Variants in VPS28 observed in about 807,000 individuals in gnomAD.
VPS28 encodes the protein vacuolar protein sorting-associated protein 28 homolog.
Under a neutral mutation model 33.7 loss-of-function variants are expected in VPS28, and 29 were observed. The ratio of observed to expected loss-of-function variants is 0.86; its 90% CI spans 0.64 to 1.17. The LOEUF (loss-of-function observed/expected upper bound fraction) is 1.17. Among genes scored for constraint, VPS28 ranks in the 50% most tolerant of loss-of-function variants. The pLI is 0.00. For synonymous variants in VPS28, 164 were observed against 116.7 expected, an observed-to-expected ratio of 1.40 and a Z score of -2.61; for missense variants, 247 against 312.2, an observed-to-expected ratio of 0.79 and a Z score of 1.57.
In VPS28 at chr8:144,426,852, T is replaced by G. The variant is rs1349985508; in HGVS notation, c.37+57A>C. 2.5e-6 allele frequency: 4 copies of G among 1,599,022 alleles called. No individual in the cohort carries two copies. In the African/African-American group the frequency reaches 5.4e-5, roughly 21 times the overall value. On this transcript the variant is annotated intron_variant, in intron 2 of 9. Coordinates refer to ENST00000292510, the MANE Select transcript of VPS28 (RefSeq NM_016208.4). Reference sequence around the variant, plus strand: ...ACCCCCGATCCCCAATACCCAATACTGCCCGTCAGCCCCTGCAGAAGCGGC... The same window carrying G: ...ACCCCCGATCCCCAATACCCAATACGGCCCGTCAGCCCCTGCAGAAGCGGC...
At position 144,423,769 on chromosome 8, in the gene VPS28, A is replaced by C; in HGVS notation, c.*36T>G. 3 of 1,612,452 alleles carry C rather than the reference A, an allele frequency of 1.9e-6. No homozygotes were observed. The highest frequency in any genetic ancestry group is 2.5e-6 in the Non-Finnish European group (3 of 1,179,602). On this transcript the variant is annotated 3_prime_UTR_variant, in exon 10 of 10. Coordinates refer to ENST00000292510, the MANE Select transcript of VPS28 (RefSeq NM_016208.4). ...AGGGGACCAGGAGCCATCGCCTCAG[A>C]CTCTGCCCTTCTGTGCAAGGGCTAG...
At position 144,425,051 on chromosome 8, in the gene VPS28, C is replaced by T. The variant is rs1554876374; in HGVS notation, c.195G>A (p.Glu65=). Residue 65 remains glutamate (E), a splice_region_variant and synonymous_variant, in exon 6 of 10, where the codon GAG becomes GAA. Coordinates refer to ENST00000292510, the MANE Select transcript of VPS28 (RefSeq NM_016208.4). The stretch of plus-strand genomic sequence containing the variant: ...GGAGCCGGGAGCAGGCTGCAGTGTA[C>T]CTAGGGAGAGGTCAGCTGCTGCCCA... ...AYIKDCVSPS[E]YTAACSRLLV... is the part of the protein sequence containing the mutation. The T allele has an allele frequency of 1.3e-6, 2 of 1,551,464 alleles. No homozygotes were observed. Among genetic ancestry groups the T allele is most frequent in the Non-Finnish European group, 8.7e-7 (1 of 1,146,930 alleles).
intron 1 of VPS28, among the ~76,000 whole-genome samples, chr8:144,428,047 G>A (rs958922447): frequency 3.3e-5 from 5 of 152,140 alleles, no homozygotes; most frequent in Non-Finnish European, 5.9e-5. Context: ...AGGGAAGGCC[G>A]CCCGCGCCGA....
rs148597995 is a variant in VPS28, at chr8:144,425,769, G to A, written c.108C>T (p.Tyr36=). 7.2e-5 allele frequency: 116 copies of A among 1,613,734 alleles called. No homozygotes were observed. The highest frequency in any genetic ancestry group is 1.3e-4 in the African/African-American group (10 of 74,918). ...CCGCAAACAGCTCTGCCATGTTGTC[G>A]TACCTGAGGACACACCTGTCTATCG... is the stretch of plus-strand genomic sequence containing the variant. The part of the protein sequence containing the change: ...LYKNAREREK[Y]DNMAELFAVV... The change falls in exon 5 of 10, where the codon TAC becomes TAT. Residue 36 remains tyrosine, a synonymous_variant. Transcript: ENST00000292510.
intron 5 of VPS28, 59 bp downstream of exon 5, chr8:144,425,624 C>T (rs1025537583): frequency 8.8e-5 from 139 of 1,581,632 alleles, no homozygotes; most frequent in South Asian, 6.7e-5. Flanking sequence ...CTCTTGCTGC[C>T]TATGGAGCAC....
In VPS28 at chr8:144,423,790, GC is replaced by G. The variant is rs782012319; in HGVS notation, c.*14del. 2 of 1,613,104 alleles carry G rather than the reference GC, an allele frequency of 1.2e-6. No homozygotes were observed. The highest frequency in any genetic ancestry group is 3.3e-5 in the Admixed American group (2 of 60,018). On this transcript the variant is annotated 3_prime_UTR_variant, in exon 10 of 10. Coordinates refer to ENST00000292510, the MANE Select transcript of VPS28 (RefSeq NM_016208.4). ...TCAGACTCTGCCCTTCTGTGCAAGG[GC>G]TAGTGCCCCGGGCTCAGGCATGCAG...
Position 144,424,278 on chromosome 8 carries a change from G to A in VPS28, c.403-10C>T, listed in dbSNP as rs960514196. 2.5e-6 allele frequency: 4 copies of A among 1,595,934 alleles called. No homozygotes were observed. The highest frequency in any genetic ancestry group is 2.7e-5 in the African/African-American group (2 of 74,292). On this transcript the variant is annotated splice_polypyrimidine_tract_variant and intron_variant, in intron 7 of 9. Coordinates refer to ENST00000292510, the MANE Select transcript of VPS28 (RefSeq NM_016208.4). ...TGACCGTGATGAAGAGCTGGGGGCA[G>A]GTGTGCACATGAGGCTCGCGTGTCC...
intron 1 of VPS28, chr8:144,427,428 G>A (rs1309012115): frequency 1.3e-5 from 2 of 153,920 alleles, no homozygotes; most frequent in African/African-American, 4.8e-5. Flanking sequence ...GGGTGCTATA[G>A]GGGCTACCAG....
In VPS28 at chr8:144,424,817, C is replaced by T. The variant is rs782798420; in HGVS notation, c.303G>A (p.Leu101=). ...SIDEFCRKFR[L]DCPLAMERIK... ...TCCGCTCCATGGCCAGCGGGCAGTC[C>T]AGCTGTTGGGGGTGACATGGGTGCT... Residue 101 remains leucine, a splice_region_variant and synonymous_variant, in exon 7 of 10, where the codon CTG becomes CTA. Transcript: ENST00000292510. 2 of 1,613,954 alleles carry T rather than the reference C, an allele frequency of 1.2e-6. No individual in the cohort carries two copies. Among genetic ancestry groups the T allele is most frequent in the Non-Finnish European group, 8.5e-7 (1 of 1,180,008 alleles).
Position 144,425,021 on chromosome 8 carries a change from G to A in VPS28, c.225C>T (p.Val75=), listed in dbSNP as rs1374341409. 6 of 1,553,242 alleles carry A rather than the reference G, an allele frequency of 3.9e-6. No homozygotes were observed. The highest frequency in any genetic ancestry group is 1.4e-5 in the African/African-American group (1 of 73,220). Reference sequence around the variant, plus strand: ...CCTGCCTGAAGGCAGCTTTGTATTGGACCAGGAGCCGGGAGCAGGCTGCAG... The same window carrying A: ...CCTGCCTGAAGGCAGCTTTGTATTGAACCAGGAGCCGGGAGCAGGCTGCAG... ...EYTAACSRLL[V]QYKAAFRQVQ... is the part of the protein sequence containing the mutation. The change falls in exon 6 of 10, where the codon GTC becomes GTT. Residue 75 remains valine (V), a synonymous_variant. Coordinates refer to ENST00000292510, the MANE Select transcript of VPS28 (RefSeq NM_016208.4).
chr8:144,426,090 C>G lies in VPS28; in HGVS notation c.67-27G>C, dbSNP rs552002458. 1.7e-5 allele frequency: 26 copies of G among 1,556,588 alleles called. No individual in the cohort carries two copies. The African/African-American group carries it at 3.3e-4, about 20-fold the overall frequency. ...TGCCGGAGAGAGCGGGCTCTGTGGG[C>G]CAGTGCCAACAGGGGCTGCAGGACC... On this transcript the variant is annotated intron_variant, in intron 3 of 9. Transcript: ENST00000292510.
At chr8:144,427,678 G>A (rs993258981) in intron 1 of VPS28, among the ~76,000 whole-genome samples, 10 of 152,234 alleles carry the variant, frequency 6.6e-5, no homozygotes, top group South Asian at 2.1e-4. Context: ...AGGGAATGAA[G>A]ATGGAGAGGT....
At chr8:144,426,863 C>T in intron 2 of VPS28, 46 bp downstream of exon 2, 2 of 1,609,324 alleles carry the variant, frequency 1.2e-6, no homozygotes, top group Non-Finnish European at 1.7e-6. Flanking sequence ...GCCCGTCAGC[C>T]CCTGCAGAAG....
At chr8:144,426,336 G>T in intron 2 of VPS28, 128 bp from the exon 3 acceptor site, 1 of 1,293,716 alleles carries the variant, frequency 7.7e-7, no homozygotes, top group Non-Finnish European at 1.0e-6. Flanking sequence ...CCCAGAGGGA[G>T]CTGGAGCACA....
intron 2 of VPS28, 21 bp from the exon 3 acceptor site, chr8:144,426,229 C>A (rs200079580): frequency 1.3e-6 from 2 of 1,587,580 alleles, no homozygotes; most frequent in Non-Finnish European, 1.7e-6. Context: ...AGGCAGAGAG[C>A]TGGCAGGCTG....
rs1027504751 is a variant in VPS28, at chr8:144,428,480, C to T, written c.-35+9G>A. The T allele has an allele frequency of 6.6e-6, 1 of 152,192 alleles. No individual in the cohort carries two copies. Among genetic ancestry groups the T allele is most frequent in the African/African-American group, 2.4e-5 (1 of 41,434 alleles). 9.4% of individuals were successfully genotyped at this position (152,192 alleles called of 1,614,324 possible). A position where few individuals can be genotyped will look rare whatever the true frequency, so the allele number is the denominator to read the frequency against. On this transcript the variant is annotated intron_variant, in intron 1 of 9. Transcript: ENST00000292510. The stretch of plus-strand genomic sequence containing the variant: ...CCCCTTCCCCGCCCACCGGCCGGGC[C>T]CCGGGTACCTGGACGGCTCGCGGTC...
Position 144,426,910 on chromosome 8 carries a change from T to A in VPS28, c.36A>T (p.Gly12=), listed in dbSNP as rs1554876945. 1.2e-6 allele frequency: 2 copies of A among 1,612,054 alleles called. No individual in the cohort carries two copies. Among genetic ancestry groups the A allele is most frequent in the Admixed American group, 3.3e-5 (2 of 59,916 alleles). Residue 12 remains glycine, a splice_region_variant and synonymous_variant, in exon 2 of 10, where the codon GGA becomes GGT. Transcript: ENST00000292510. The stretch of plus-strand genomic sequence containing the variant: ...CTGCGCCCTTCCAGCCACACTCACC[T>A]CCTATGCCCGGCGTGGCTGGGATCC... ...FHGIPATPGI[G]APGNKPELYE...
In VPS28 at chr8:144,424,026, GGGA is replaced by G. The variant is rs782134512; in HGVS notation, c.548+12_548+14del. The stretch of plus-strand genomic sequence containing the variant: ...GGGCACTGCGGGGCTCTGCCTGGCT[GGGA>G]GGGACACCCACCACTGGCTGACCGT... On this transcript the variant is annotated intron_variant, in intron 9 of 9. Coordinates refer to ENST00000292510, the MANE Select transcript of VPS28 (RefSeq NM_016208.4). 622 of 1,593,726 alleles carry G rather than the reference GGGA, an allele frequency of 3.9e-4. 1 individual carries two copies. The highest frequency in any genetic ancestry group is 4.8e-4 in the Non-Finnish European group (560 of 1,167,012).
chr8:144,426,852 T>C (rs1349985508), intron 2 of VPS28, 57 bp downstream of exon 2: 1 of 1,599,022 alleles, frequency 6.3e-7, no homozygotes, highest in Non-Finnish European at 8.5e-7. Context: ...TACCCAATAC[T>C]GCCCGTCAGC....
Sources: allele counts gnomAD v4.1 joint callset (sites outside exome capture counted in the v4.1 genomes callset), GRCh38; gene constraint gnomAD v4.1.1; transcripts MANE v1.5; gene names NCBI Gene and HGNC (gene_info 2026-07-23, HGNC 2026-07-21).